CCDC82: variants seen among roughly 807,000 people sequenced by gnomAD.
CCDC82 encodes the protein coiled-coil domain-containing protein 82.
A neutral mutation model predicts 60.6 loss-of-function variants in CCDC82; 47 were observed. The ratio of observed to expected loss-of-function variants is 0.77; its 90% CI spans 0.61 to 0.99. The LOEUF (loss-of-function observed/expected upper bound fraction) is 0.99, where lower values mean the gene tolerates loss of function less well. CCDC82 is among the 50% of genes least tolerant of loss of function. The pLI, the probability that CCDC82 is intolerant of heterozygous loss-of-function variation, is 0.00. For synonymous variants in CCDC82, 212 were observed against 207.4 expected (o/e 1.02, Z -0.19); for missense variants, 588 against 633.0 (o/e 0.93, Z 0.76).
rs1333445649 is a variant in CCDC82 at position 96,384,739 on chromosome 11, A to G, written c.9T>C (p.His3=). 1.9e-6 allele frequency: 3 copies of G among 1,591,130 alleles called. No homozygotes were observed. Among genetic ancestry groups the G allele is most frequent in the Admixed American group, 3.7e-5 (2 of 54,650 alleles). The change falls in exon 4 of 10, where the codon CAT becomes CAC. Residue 3 remains histidine, a synonymous_variant. Transcript: ENST00000646818. MI[H]VRRHETRRNS... is the part of the protein sequence containing the mutation. Reference sequence around the variant, plus strand: ...TTCTCCTTGTTTCATGTCTTCTAACATGTATCATTTTCACTTAAGCTTCTA... The same window carrying G: ...TTCTCCTTGTTTCATGTCTTCTAACGTGTATCATTTTCACTTAAGCTTCTA...
rs1471235718 is a variant in CCDC82 at position 96,384,096 on chromosome 11, C to T, written c.652G>A (p.Gly218Ser). 2.5e-6 allele frequency: 4 copies of T among 1,613,560 alleles called. No individual in the cohort carries two copies. In the African/African-American group the frequency reaches 4.0e-5, roughly 16 times the overall value. The change falls in exon 4 of 10, where the codon GGT becomes AGT. Residue 218 changes from glycine to serine, a missense_variant. Physicochemically the swap from Gly to Ser is moderately conservative, Grantham distance 56. Coordinates refer to ENST00000646818, the MANE Select transcript of CCDC82 (RefSeq NM_024725.4). Reference sequence around the variant, plus strand: ...TTTTGCTCCATTTCCACTGAAGAACCTTCATCTTCAACCACTCTACGGGGA... The same window carrying T: ...TTTTGCTCCATTTCCACTGAAGAACTTTCATCTTCAACCACTCTACGGGGA... Reference protein sequence around the residue: ...KRPRRVVEDEGSSVEMEQKTP... With the variant: ...KRPRRVVEDESSSVEMEQKTP...
intron 5 of CCDC82, among the ~76,000 whole-genome samples, chr11:96,375,331 T>C (rs574677322): frequency 6.6e-5 from 10 of 152,286 alleles, no homozygotes; most frequent in South Asian, 2.1e-4. Context: ...TGAGAGGAAA[T>C]TGAAAGGGCA....
chr11:96,363,288 AG>A (rs1358467075), intron 8 of CCDC82: 1 of 152,140 alleles, frequency 6.6e-6, no homozygotes, highest in African/African-American at 2.4e-5. Flanking sequence ...GATCATAACT[AG>A]GTTTATTTTC....
At chr11:96,378,909 T>G (rs1865725244) in intron 5 of CCDC82, among the ~76,000 whole-genome samples, 1 of 152,016 alleles carries the variant, frequency 6.6e-6, no homozygotes, top group Admixed American at 6.6e-5. Flanking sequence ...GAAACTACCC[T>G]GTGGTGCATC....
chr11:96,357,575 T>C, intron 9 of CCDC82: 1 of 985,238 alleles, frequency 1.0e-6, no homozygotes, highest in Non-Finnish European at 1.2e-6. Context: ...TGGAAATGCT[T>C]TTTTCTTCAA....
At position 96,353,544 on chromosome 11, in the gene CCDC82, G is replaced by A. The variant is rs1348101505; in HGVS notation, c.*102C>T. 1 of 894,780 alleles carries A rather than the reference G, an allele frequency of 1.1e-6. No homozygotes were observed. Among genetic ancestry groups the A allele is most frequent in the African/African-American group, 1.7e-5 (1 of 59,980 alleles). 55.4% of individuals were successfully genotyped at this position (894,780 alleles called of 1,614,324 possible). ...TTTAAACAAAATATTTTGCCATGAA[G>A]ATATAGATAAAATGTACAAACATGT... On this transcript the variant is annotated 3_prime_UTR_variant, in exon 10 of 10. Transcript: ENST00000646818.
chr11:96,364,864 G>T, intron 8 of CCDC82, 116 bp downstream of exon 8: 1 of 880,130 alleles, frequency 1.1e-6, no homozygotes, highest in Non-Finnish European at 1.7e-6. Context: ...CCAATTTGGT[G>T]GATTATATGC....
At chr11:96,371,516 A>T (rs541744006) in intron 6 of CCDC82, among the ~76,000 whole-genome samples, 1 of 152,206 alleles carries the variant, frequency 6.6e-6, no homozygotes, top group South Asian at 2.1e-4. Context: ...CGGGAGGGGG[A>T]GCTTATAGTG....
intron 5 of CCDC82, chr11:96,381,483 G>GGCCTTTCC (rs1164665046): frequency 2.6e-5 from 4 of 151,404 alleles, no homozygotes; most frequent in African/African-American, 9.7e-5. Context: ...GGCCTTTTCT[G>GGCCTTTCC]AAATATTTGG....
At chr11:96,358,639 C>A (rs1002675156) in intron 9 of CCDC82, 32 of 1,220,006 alleles carry the variant, frequency 2.6e-5, no homozygotes, top group South Asian at 2.4e-4. Context: ...AGGAAGCAGA[C>A]AAGCAGAGGT....
intron 7 of CCDC82, among the ~76,000 whole-genome samples, chr11:96,365,353 T>C (rs978210810): frequency 2.0e-5 from 3 of 152,170 alleles, no homozygotes; most frequent in Admixed American, 6.5e-5. Flanking sequence ...ATCTTGGCTA[T>C]TGCATGAAAA....
intron 9 of CCDC82, 45 bp from the exon 10 acceptor site, chr11:96,353,759 AAGAC>A: frequency 7.1e-7 from 1 of 1,408,218 alleles, no homozygotes; most frequent in Non-Finnish European, 1.0e-6. Context: ...CAAAGCAATG[AAGAC>A]AAACTGGGCC....
At chr11:96,367,923 C>T (rs540196375) in intron 7 of CCDC82, among the ~76,000 whole-genome samples, 3 of 148,680 alleles carry the variant, frequency 2.0e-5, no homozygotes, top group Non-Finnish European at 3.0e-5. Flanking sequence ...CAGGTTCAAG[C>T]GATTCTCCTG....
intron 7 of CCDC82, among the ~76,000 whole-genome samples, chr11:96,366,276 T>A (rs1209941491): frequency 1.3e-5 from 2 of 152,246 alleles, no homozygotes; most frequent in Non-Finnish European, 2.9e-5. Context: ...ATTTTATTGT[T>A]GGTTTATTTT....
chr11:96,385,890 T>TG (rs369682476), intron 3 of CCDC82: 2 of 152,094 alleles, frequency 1.3e-5, no homozygotes, highest in Admixed American at 6.5e-5. Flanking sequence ...AAACTACATG[T>TG]TAGAGGTATA....
intron 5 of CCDC82, among the ~76,000 whole-genome samples, chr11:96,374,067 GC>G (rs1458510577): frequency 6.6e-6 from 1 of 152,150 alleles, no homozygotes. Flanking sequence ...GTTGTGACAG[GC>G]CAGGCAGTGG....
At chr11:96,370,546 G>C (rs139898332) in intron 7 of CCDC82, among the ~76,000 whole-genome samples, 1 of 152,190 alleles carries the variant, frequency 6.6e-6, no homozygotes, top group Admixed American at 6.5e-5. Context: ...GGTGTTACCT[G>C]TTTACATAAA....
intron 5 of CCDC82, among the ~76,000 whole-genome samples, chr11:96,375,714 C>G (rs1223414731): frequency 6.6e-6 from 1 of 152,158 alleles, no homozygotes; most frequent in Non-Finnish European, 1.5e-5. Context: ...CATCTAAGTC[C>G]AGATTTCATG....
chr11:96,375,507 A>G (rs1212834768), intron 5 of CCDC82, among the ~76,000 whole-genome samples: 1 of 152,208 alleles, frequency 6.6e-6, no homozygotes, highest in Non-Finnish European at 1.5e-5. Context: ...TTTCAAATTG[A>G]AAAATAATAT....
Sources: allele counts gnomAD v4.1 joint callset (sites outside exome capture counted in the v4.1 genomes callset), GRCh38; gene constraint gnomAD v4.1.1; transcripts MANE v1.5; gene names NCBI Gene and HGNC (gene_info 2026-07-23, HGNC 2026-07-21).